CYP3A7: variants seen among roughly 807,000 people sequenced by gnomAD.
CYP3A7 encodes cytochrome P450 3A7.
In CYP3A7, 45 loss-of-function variants were observed where a neutral mutation model predicts 55.2. The observed-to-expected ratio is 0.82, with a 90% confidence interval of 0.64 to 1.05. The LOEUF is 1.05. Among genes scored for constraint, CYP3A7 ranks in the 50% least tolerant of loss-of-function variants. The pLI is 0.00. For synonymous variants in CYP3A7, 180 were observed against 207.4 expected, an observed-to-expected ratio of 0.87 and a Z score of 1.13; for missense variants, 548 against 605.3, an observed-to-expected ratio of 0.91 and a Z score of 0.99.
intron 3 of CYP3A7, 80 bp downstream of exon 3, chr7:99,722,216 G>A (rs1814229351): frequency 1.9e-6 from 3 of 1,575,630 alleles, no homozygotes; most frequent in South Asian, 1.1e-5. Context: ...AGAGGCTCTG[G>A]GCTGAGACTA....
chr7:99,715,827 C>T lies in CYP3A7; in HGVS notation c.601G>A (p.Asp201Asn), dbSNP rs754668297. The stretch of plus-strand genomic sequence containing the variant: ...TTCTTGGTGTTTTCCACAAAGGGGT[C>T]TTGTGGATTGTTGAGAGAGTCGATG... The part of the protein sequence containing the change: ...VSIDSLNNPQ[D>N]PFVENTKKLL... The change falls in exon 7 of 13, where the codon GAC (aspartate) becomes AAC (asparagine). Residue 201 changes from aspartate to asparagine, a missense_variant. By Grantham distance (23) the Asp-to-Asn change is conservative. Coordinates refer to ENST00000336374, the MANE Select transcript of CYP3A7 (RefSeq NM_000765.5). The T allele has an allele frequency of 1.9e-6, 3 of 1,613,924 alleles. No homozygotes were observed. The East Asian group carries it at 6.7e-5, about 36-fold the overall frequency.
At chr7:99,710,705 C>T in intron 10 of CYP3A7, 27 bp downstream of exon 10, 6 of 1,613,670 alleles carry the variant, frequency 3.7e-6, no homozygotes, top group East Asian at 2.2e-5. Flanking sequence ...CACCTCCTCC[C>T]TCCTTCTCCA....
At chr7:99,706,400 C>T (rs1337703946) in intron 12 of CYP3A7, among the ~76,000 whole-genome samples, 2 of 152,136 alleles carry the variant, frequency 1.3e-5, no homozygotes, top group African/African-American at 4.8e-5. Flanking sequence ...TGTCTGAGCA[C>T]ACATACAGGA....
Position 99,735,143 on chromosome 7 carries a change from G to A in CYP3A7, c.-50C>T, listed in dbSNP as rs371578101. 2.7e-5 allele frequency: 43 copies of A among 1,605,922 alleles called. 1 individual carries two copies. Among genetic ancestry groups the A allele is most frequent in the Admixed American group, 8.4e-5 (5 of 59,842 alleles). ...TCCTCTGAGTCTTTTTTTCAGCAGC[G>A]TGCTGCTGTTTGCTGGGCTGTGTGT... On this transcript the variant is annotated 5_prime_UTR_variant, in exon 1 of 13. It adds an upstream start codon to the 5' untranslated region. Coordinates refer to ENST00000336374, the MANE Select transcript of CYP3A7 (RefSeq NM_000765.5).
At chr7:99,725,326 G>A (rs956633982) in intron 2 of CYP3A7, among the ~76,000 whole-genome samples, 2 of 152,088 alleles carry the variant, frequency 1.3e-5, no homozygotes, top group African/African-American at 4.8e-5. Context: ...TGGATTCCAG[G>A]CCTCAAACCC....
At chr7:99,711,185 G>A (rs1813735870) in intron 9 of CYP3A7, among the ~76,000 whole-genome samples, 1 of 152,104 alleles carries the variant, frequency 6.6e-6, no homozygotes, top group African/African-American at 2.4e-5. Context: ...GAACATTTCT[G>A]CATAACATAC....
chr7:99,713,297 G>A lies in CYP3A7; in HGVS notation c.865+172C>T, dbSNP rs114104879. ...TTAAGCTTAGAACATGGCTATCTAT[G>A]CCTGCATGCCTCTAGAAGTTGCCTC... is the stretch of plus-strand genomic sequence containing the variant. On this transcript the variant is annotated intron_variant, in intron 9 of 12. Coordinates refer to ENST00000336374, the MANE Select transcript of CYP3A7 (RefSeq NM_000765.5). Among the ~76,000 whole-genome samples, 265 of 152,180 alleles carry A rather than the reference G, an allele frequency of 1.7e-3. 3 individuals are homozygous for A. Among genetic ancestry groups the A allele is most frequent in the African/African-American group, 5.6e-3 (234 of 41,516 alleles).
At chr7:99,723,973 G>T (rs1414633273) in intron 2 of CYP3A7, among the ~76,000 whole-genome samples, 17 of 152,272 alleles carry the variant, frequency 1.1e-4, no homozygotes, top group Non-Finnish European at 1.9e-4. Context: ...TGCCTGCCTT[G>T]ATCATTCACC....
intron 2 of CYP3A7, chr7:99,730,657 G>A (rs1814575190): frequency 2.5e-5 from 5 of 201,930 alleles, no homozygotes; most frequent in Admixed American, 1.1e-4. Context: ...CTACAGAGAG[G>A]AAAGTTTTAC....
intron 4 of CYP3A7, among the ~76,000 whole-genome samples, chr7:99,719,124 G>A (rs1278742571): frequency 6.6e-6 from 1 of 152,186 alleles, no homozygotes. Flanking sequence ...ATAACAGCAT[G>A]TTTATTTATA....
At chr7:99,710,989 G>C (rs1490033740) in intron 9 of CYP3A7, 97 bp from the exon 10 acceptor site, 62 of 1,590,564 alleles carry the variant, frequency 3.9e-5, no homozygotes, top group Non-Finnish European at 8.5e-6. Context: ...CAAATCCCCA[G>C]GGGAAAAAAT....
intron 8 of CYP3A7, among the ~76,000 whole-genome samples, chr7:99,714,275 G>A (rs575131640): frequency 6.6e-6 from 1 of 152,306 alleles, no homozygotes; most frequent in South Asian, 2.1e-4. Flanking sequence ...GAAGGGAAGT[G>A]CTGTGATAAG....
intron 11 of CYP3A7, among the ~76,000 whole-genome samples, chr7:99,708,349 T>A (rs1386509410): frequency 1.3e-5 from 2 of 152,204 alleles, no homozygotes; most frequent in Non-Finnish European, 2.9e-5. Flanking sequence ...ATGTTGGTCA[T>A]GAGGAAGGAG....
intron 1 of CYP3A7, among the ~76,000 whole-genome samples, chr7:99,732,331 G>A (rs1268442103): frequency 1.2e-4 from 19 of 152,144 alleles, no homozygotes; most frequent in Non-Finnish European, 2.9e-5. Context: ...GCTTCCTGTA[G>A]AGCCTGCAGA....
At chr7:99,720,142 A>G (rs945040386) in intron 4 of CYP3A7, among the ~76,000 whole-genome samples, 171 bp downstream of exon 4, 1 of 152,240 alleles carries the variant, frequency 6.6e-6, no homozygotes, top group Non-Finnish European at 1.5e-5. Flanking sequence ...AATATACTGT[A>G]TTTATAGTTA....
intron 2 of CYP3A7, among the ~76,000 whole-genome samples, chr7:99,728,693 C>A (rs889184380): frequency 2.4e-4 from 36 of 152,174 alleles, no homozygotes; most frequent in African/African-American, 7.5e-4. Flanking sequence ...GACTGAACAA[C>A]TTCCTGTCCC....
At chr7:99,707,671 C>T in intron 12 of CYP3A7, 141 bp downstream of exon 12, 1 of 1,393,706 alleles carries the variant, frequency 7.2e-7, no homozygotes, top group Non-Finnish European at 9.8e-7. Context: ...CCTTAAAGAT[C>T]ATAGATGGGT....
chr7:99,716,609 G>A (rs1014070492), intron 6 of CYP3A7, among the ~76,000 whole-genome samples: 1 of 152,168 alleles, frequency 6.6e-6, no homozygotes, highest in Non-Finnish European at 1.5e-5. Flanking sequence ...GATTACACCT[G>A]TTGTTCCTGC....
intron 8 of CYP3A7, 50 bp from the exon 9 acceptor site, chr7:99,713,585 A>C: frequency 6.2e-7 from 1 of 1,611,880 alleles, no homozygotes; most frequent in Non-Finnish European, 8.5e-7. Flanking sequence ...TCGTGAAGTC[A>C]GAAGTTAATC....
Sources: allele counts gnomAD v4.1 joint callset (sites outside exome capture counted in the v4.1 genomes callset), GRCh38; gene constraint gnomAD v4.1.1; transcripts MANE v1.5; gene names NCBI Gene and HGNC (gene_info 2026-07-23, HGNC 2026-07-21).